The following SYT14 variants were observed in gnomAD, a reference collection of about 807,000 sequenced individuals.
SYT14 encodes the protein synaptotagmin 14.
A neutral mutation model predicts 74.2 loss-of-function variants in SYT14; 32 were observed. The ratio of observed to expected loss-of-function variants is 0.43; its 90% CI spans 0.33 to 0.58. The LOEUF is 0.58. Ranked by LOEUF, SYT14 falls within the 20% of genes least tolerant of loss-of-function variation. SYT14 has a pLI of 0.05. For missense variants in SYT14, 791 were observed against 981.8 expected, an observed-to-expected ratio of 0.81 and a Z score of 2.60; for synonymous variants, 298 against 337.7, an observed-to-expected ratio of 0.88 and a Z score of 1.29.
At chr1:209,959,010 T>TAA (rs1048247322) in intron 2 of SYT14, among the ~76,000 whole-genome samples, 1 of 150,870 alleles carries the variant, frequency 6.6e-6, no homozygotes, top group Non-Finnish European at 1.5e-5. Context: ...ACAAAGTTCC[T>TAA]AAAAAAAAAT....
intron 5 of SYT14, among the ~76,000 whole-genome samples, chr1:210,064,841 A>G (rs1454684555): frequency 1.3e-5 from 2 of 151,944 alleles, no homozygotes; most frequent in South Asian, 2.1e-4. Flanking sequence ...GAACTGCCAA[A>G]CTGTTTTCTA....
chr1:209,969,054 A>G (rs750936822), intron 2 of SYT14, among the ~76,000 whole-genome samples: 36 of 152,104 alleles, frequency 2.4e-4, no homozygotes, highest in Non-Finnish European at 4.9e-4. Context: ...AGCTGCATCC[A>G]TGTTGCTGTA....
At chr1:209,971,282 C>T (rs894792448) in intron 2 of SYT14, among the ~76,000 whole-genome samples, 1 of 152,012 alleles carries the variant, frequency 6.6e-6, no homozygotes, top group Non-Finnish European at 1.5e-5. Context: ...GGAGTGTTTT[C>T]GTGGAGTCTT....
At chr1:210,007,030 T>C (rs1164016508) in intron 2 of SYT14, among the ~76,000 whole-genome samples, 1 of 151,998 alleles carries the variant, frequency 6.6e-6, no homozygotes, top group Non-Finnish European at 1.5e-5. Context: ...GCTTTGACTT[T>C]AGTAAGACTG....
intron 2 of SYT14, among the ~76,000 whole-genome samples, chr1:209,984,597 C>G (rs1186954749): frequency 6.6e-6 from 1 of 152,088 alleles, no homozygotes; most frequent in East Asian, 1.9e-4. Flanking sequence ...TTCATTCTGT[C>G]TGAAGAACTT....
At chr1:210,006,926 T>C (rs184201711) in intron 2 of SYT14, among the ~76,000 whole-genome samples, 13 of 151,962 alleles carry the variant, frequency 8.6e-5, no homozygotes, top group East Asian at 1.9e-4. Flanking sequence ...AGAAAAACAT[T>C]TTCTTAGCTA....
chr1:210,156,049 T>A, intron 8 of SYT14, 139 bp downstream of exon 7: 1 of 853,950 alleles, frequency 1.2e-6, no homozygotes, highest in Non-Finnish European at 1.8e-6. Flanking sequence ...GTTTCATGTT[T>A]TCTATTTCCA....
At chr1:210,049,531 C>T (rs901161593) in intron 5 of SYT14, among the ~76,000 whole-genome samples, 5 of 151,502 alleles carry the variant, frequency 3.3e-5, no homozygotes, top group African/African-American at 1.2e-4. Flanking sequence ...TTGCTGTGTC[C>T]ATCAACTTGT....
chr1:210,061,953 C>CT (rs1303822819), intron 5 of SYT14, among the ~76,000 whole-genome samples: 3 of 151,556 alleles, frequency 2.0e-5, no homozygotes, highest in Non-Finnish European at 4.4e-5. Context: ...TCAATTATCT[C>CT]TTTTTTTCAA....
chr1:210,125,139 T>G lies in SYT14; in HGVS notation c.2034+24678T>G, dbSNP rs116786551. Among the ~76,000 whole-genome samples, 456 of 152,212 alleles carry G rather than the reference T, an allele frequency of 3.0e-3. 2 individuals are homozygous for G. The highest frequency in any genetic ancestry group is 5.1e-3 in the Non-Finnish European group (347 of 68,000). ...GGATATACTGCATAATGCTGGAGTT[T>G]GAGCTTCTATTGAACCCATCACCCA... On this transcript the variant is annotated intron_variant, in intron 7 of 9. Coordinates refer to ENST00000637265, the Ensembl canonical transcript of SYT14.
At chr1:209,942,417 A>G (rs1412532495) in intron 1 of SYT14, among the ~76,000 whole-genome samples, 2 of 133,316 alleles carry the variant, frequency 1.5e-5, no homozygotes, top group Non-Finnish European at 3.1e-5. Flanking sequence ...TTTTTAAGTA[A>G]CCAGGAATCT....
At chr1:210,080,988 A>G (rs2081605498) in intron 5 of SYT14, among the ~76,000 whole-genome samples, 1 of 152,150 alleles carries the variant, frequency 6.6e-6, no homozygotes, top group Admixed American at 6.5e-5. Flanking sequence ...CCAAGTAAAA[A>G]GGAGGAGGAA....
chr1:210,079,145 C>T (rs890530372), intron 5 of SYT14, among the ~76,000 whole-genome samples: 11 of 151,718 alleles, frequency 7.3e-5, no homozygotes, highest in African/African-American at 1.7e-4. Context: ...CTATCTAGGT[C>T]GGTGTTTCTC....
At chr1:210,117,324 T>G (rs147959027) in intron 7 of SYT14, among the ~76,000 whole-genome samples, 2 of 152,272 alleles carry the variant, frequency 1.3e-5, no homozygotes, top group African/African-American at 4.8e-5. Flanking sequence ...AGAATCATAC[T>G]TTATATTATA....
At chr1:209,992,521 C>T (rs1171753929) in intron 2 of SYT14, among the ~76,000 whole-genome samples, 1 of 151,912 alleles carries the variant, frequency 6.6e-6, no homozygotes, top group Non-Finnish European at 1.5e-5. Context: ...TAGACATTGG[C>T]AACTCAGTAG....
intron 1 of SYT14, among the ~76,000 whole-genome samples, chr1:209,948,007 A>G (rs181587551): frequency 1.5e-3 from 229 of 152,268 alleles, no homozygotes; most frequent in African/African-American, 5.1e-3. Context: ...TTAAGATCAT[A>G]CATTTTTTAA....
intron 6 of SYT14, among the ~76,000 whole-genome samples, chr1:210,097,245 T>A (rs1006842273): frequency 2.0e-5 from 3 of 152,232 alleles, no homozygotes; most frequent in Admixed American, 2.0e-4. Context: ...TCTCTTGGTT[T>A]AATCCAGGCT....
At chr1:210,012,957 C>T (rs1312260031) in intron 2 of SYT14, among the ~76,000 whole-genome samples, 1 of 152,038 alleles carries the variant, frequency 6.6e-6, no homozygotes, top group East Asian at 1.9e-4. Context: ...TTGCCTTGGC[C>T]TCCCAAAATG....
rs1009101755 is a variant in SYT14, at chr1:210,134,782, G to A, written c.2035-20939G>A. On this transcript the variant is annotated intron_variant, in intron 7 of 9. Coordinates refer to ENST00000637265, the Ensembl canonical transcript of SYT14. ...CTCATCATACAAATCTCATCCTGTC[G>A]ATCTGGGTTCATTGAGTTTCTCAAA... is the stretch of plus-strand genomic sequence containing the variant. Among the ~76,000 whole-genome samples the A allele has an allele frequency of 3.3e-5, 5 of 152,006 alleles. 1 individual carries two copies. The highest frequency in any genetic ancestry group is 4.1e-4 in the South Asian group (2 of 4,822).
Sources: allele counts gnomAD v4.1 joint callset (sites outside exome capture counted in the v4.1 genomes callset), GRCh38; gene constraint gnomAD v4.1.1; transcripts MANE v1.5; gene names NCBI Gene and HGNC (gene_info 2026-07-23, HGNC 2026-07-21).